AKAP6: variants seen among roughly 807,000 people sequenced by gnomAD.
The protein encoded by AKAP6 is A-kinase anchoring protein 6.
A neutral mutation model predicts 188.5 loss-of-function variants in AKAP6; 58 were observed. The observed-to-expected ratio is 0.31, with a 90% confidence interval of 0.25 to 0.38. The LOEUF (loss-of-function observed/expected upper bound fraction) is 0.38. Among genes scored for constraint, AKAP6 ranks in the 10% least tolerant of loss-of-function variants. The pLI is 1.00. For missense variants in AKAP6, 2,710 were observed against 2,740.0 expected, an observed-to-expected ratio of 0.99 and a Z score of 0.24; for synonymous variants, 989 against 998.6, an observed-to-expected ratio of 0.99 and a Z score of 0.18.
At position 32,823,521 on chromosome 14, in the gene AKAP6, C is replaced by T. The variant is rs1297597860; in HGVS notation, c.5708C>T (p.Pro1903Leu). The T allele has an allele frequency of 6.2e-7, 1 of 1,613,554 alleles. No homozygotes were observed. The highest frequency in any genetic ancestry group is 8.5e-7 in the Non-Finnish European group (1 of 1,179,858). ...DMENGNIEGI[P>L]ERQKGKPNVT... ...GAAAATGGCAATATTGAAGGTATTC[C>T]AGAAAGGCAAAAGGGAAAACCGAAT... Residue 1903 changes from proline to leucine, a missense_variant, in exon 13 of 14, where the codon CCA becomes CTA. Pro to Leu is a moderately conservative substitution (Grantham distance 98). Coordinates refer to ENST00000280979, the MANE Select transcript of AKAP6 (RefSeq NM_004274.5).
At chr14:32,717,291 A>T (rs1352506290) in intron 9 of AKAP6, among the ~76,000 whole-genome samples, 2 of 151,936 alleles carry the variant, frequency 1.3e-5, no homozygotes, top group Non-Finnish European at 1.5e-5. Context: ...CTCTTAATGA[A>T]TTTTTTTCAG....
At chr14:32,475,356 C>A (rs1879005902) in intron 2 of AKAP6, among the ~76,000 whole-genome samples, 1 of 152,198 alleles carries the variant, frequency 6.6e-6, no homozygotes, top group Non-Finnish European at 1.5e-5. Flanking sequence ...ATTTACAACA[C>A]CATTCTACCT....
At chr14:32,783,070 A>G (rs1404738820) in intron 12 of AKAP6, among the ~76,000 whole-genome samples, 4 of 152,120 alleles carry the variant, frequency 2.6e-5, no homozygotes, top group Admixed American at 6.6e-5. Flanking sequence ...AAATACATCA[A>G]TGGAACAAAA....
chr14:32,445,770 C>T (rs1372061659), intron 2 of AKAP6, among the ~76,000 whole-genome samples: 2 of 151,574 alleles, frequency 1.3e-5, no homozygotes, highest in Admixed American at 6.6e-5. Context: ...GTTTTTTTTT[C>T]TATTCCATAA....
At chr14:32,718,253 G>C (rs983172911) in intron 9 of AKAP6, 2 of 984,208 alleles carry the variant, frequency 2.0e-6, no homozygotes, top group Non-Finnish European at 2.4e-6. Context: ...TGCCATAGGA[G>C]AACAGCAAAA....
At chr14:32,427,205 C>T (rs1890064259) in intron 1 of AKAP6, among the ~76,000 whole-genome samples, 1 of 152,082 alleles carries the variant, frequency 6.6e-6, no homozygotes, top group Admixed American at 6.6e-5. Context: ...CCTGTTATTG[C>T]AAGAGGATTA....
intron 7 of AKAP6, among the ~76,000 whole-genome samples, chr14:32,673,036 T>C (rs1257797905): frequency 6.6e-6 from 1 of 152,092 alleles, no homozygotes; most frequent in African/African-American, 2.4e-5. Flanking sequence ...AGCCTCTATA[T>C]CCAAATGCCC....
At chr14:32,583,495 C>T (rs1283126786) in intron 5 of AKAP6, among the ~76,000 whole-genome samples, 1 of 152,218 alleles carries the variant, frequency 6.6e-6, no homozygotes, top group Non-Finnish European at 1.5e-5. Flanking sequence ...CACCACTGCT[C>T]TCTTCAAAGG....
intron 1 of AKAP6, among the ~76,000 whole-genome samples, chr14:32,431,153 G>T (rs1023169504): frequency 9.2e-5 from 14 of 151,988 alleles, no homozygotes; most frequent in Non-Finnish European, 1.5e-4. Flanking sequence ...GCTGGGGTAT[G>T]GTTTATGAAG....
At chr14:32,360,657 C>G (rs966794623) in intron 1 of AKAP6, among the ~76,000 whole-genome samples, 1 of 151,044 alleles carries the variant, frequency 6.6e-6, no homozygotes, top group Non-Finnish European at 1.5e-5. Context: ...TAATCCAATA[C>G]TATGGTTATT....
intron 1 of AKAP6, among the ~76,000 whole-genome samples, chr14:32,383,926 A>G (rs1467620422): frequency 1.3e-5 from 2 of 152,126 alleles, no homozygotes; most frequent in Non-Finnish European, 2.9e-5. Context: ...CTTTGACCAT[A>G]TCTGCTGCCT....
At chr14:32,829,705 T>C (rs1306923908) in intron 13 of AKAP6, 143 bp from the exon 14 acceptor site, 1 of 450,502 alleles carries the variant, frequency 2.2e-6, no homozygotes, top group Non-Finnish European at 3.9e-6. Flanking sequence ...TAAAATTATT[T>C]ATATTTTATG....
intron 7 of AKAP6, among the ~76,000 whole-genome samples, chr14:32,623,329 C>T (rs1886889057): frequency 6.6e-6 from 1 of 152,216 alleles, no homozygotes; most frequent in East Asian, 1.9e-4. Context: ...TAAATTGCTT[C>T]CCTGATTGTG....
intron 7 of AKAP6, among the ~76,000 whole-genome samples, chr14:32,636,196 T>G (rs1425467938): frequency 6.6e-6 from 1 of 152,104 alleles, no homozygotes; most frequent in African/African-American, 2.4e-5. Flanking sequence ...TGCAGAAACA[T>G]CTATACATAT....
At chr14:32,536,213 C>T (rs896325070) in intron 3 of AKAP6, among the ~76,000 whole-genome samples, 3 of 152,198 alleles carry the variant, frequency 2.0e-5, no homozygotes, top group Non-Finnish European at 4.4e-5. Context: ...TCAAGCCAAA[C>T]TGTGATAAGT....
chr14:32,629,915 T>C (rs1412692686), intron 7 of AKAP6, among the ~76,000 whole-genome samples: 2 of 151,964 alleles, frequency 1.3e-5, no homozygotes, highest in Non-Finnish European at 2.9e-5. Context: ...AAAATTAAAT[T>C]TTTTTAAAAA....
intron 1 of AKAP6, among the ~76,000 whole-genome samples, chr14:32,391,183 AG>A (rs1888702984): frequency 6.6e-6 from 1 of 152,218 alleles, no homozygotes; most frequent in Admixed American, 6.5e-5. Flanking sequence ...GTTCAATGTC[AG>A]CTTAAAGCAA....
intron 1 of AKAP6, among the ~76,000 whole-genome samples, chr14:32,432,243 G>A (rs1465803934): frequency 6.6e-6 from 1 of 152,060 alleles, no homozygotes; most frequent in Non-Finnish European, 1.5e-5. Flanking sequence ...ATTGCCTTGA[G>A]TAGAAGAAGC....
chr14:32,401,222 A>G (rs981277984), intron 1 of AKAP6, among the ~76,000 whole-genome samples: 1 of 152,058 alleles, frequency 6.6e-6, no homozygotes, highest in African/African-American at 2.4e-5. Flanking sequence ...GTCCTGCCCT[A>G]CTTCTGTTAT....
Sources: gnomAD v4.1 joint callset for allele counts (sites outside exome capture counted in the v4.1 genomes callset) on GRCh38, gnomAD v4.1.1 for gene constraint, MANE v1.5 for transcripts, NCBI Gene and HGNC (gene_info 2026-07-23, HGNC 2026-07-21) for gene names.